Variants in ADPRH observed in about 807,000 individuals in gnomAD.
ADPRH encodes the protein ADP-ribosylarginine hydrolase, also known as ADP-ribose-L-arginine cleaving enzyme.
Under a neutral mutation model 28.8 loss-of-function variants are expected in ADPRH, and 27 were observed. The ratio of observed to expected loss-of-function variants is 0.94; its 90% CI spans 0.69 to 1.29. The LOEUF is 1.29. Among genes scored for constraint, ADPRH ranks in the 50% most tolerant of loss-of-function variants. The probability of loss-of-function intolerance (pLI) is 0.00; values close to 1 mark genes in which losing one functional copy is unlikely to be tolerated. For missense variants in ADPRH, 419 were observed against 444.8 expected (o/e 0.94, Z 0.52); for synonymous variants, 161 against 166.9 (o/e 0.96, Z 0.27).
chr3:119,587,088 G>A (rs1281648601), intron 4 of ADPRH, among the ~76,000 whole-genome samples: 2 of 152,198 alleles, frequency 1.3e-5, no homozygotes, highest in African/African-American at 4.8e-5. Context: ...ACTTCACATT[G>A]TCTTTCTTAG....
At position 119,589,505 on chromosome 3, in the gene ADPRH, T is replaced by C. The variant is rs1451599688; in HGVS notation, c.*1627T>C. On this transcript the variant is annotated 3_prime_UTR_variant, in exon 5 of 5. Coordinates refer to ENST00000357003, the MANE Select transcript of ADPRH (RefSeq NM_001125.4). ...TCCTGCCACCTTCTAGTTCATCCCA[T>C]AGGAATGTTTTTCCAAGTCCTTCCA... 2 of 152,150 alleles carry C rather than the reference T, an allele frequency of 1.3e-5. No individual in the cohort carries two copies. Among genetic ancestry groups the C allele is most frequent in the East Asian group, 3.8e-4 (2 of 5,198 alleles). The allele number at this position is 152,150 out of a possible 1,614,324, so 9.4% of individuals were successfully genotyped here. A position where few individuals can be genotyped will look rare whatever the true frequency, so the allele number is the denominator to read the frequency against.
intron 2 of ADPRH, among the ~76,000 whole-genome samples, chr3:119,581,801 C>T (rs541818441): frequency 1.3e-5 from 2 of 152,264 alleles, no homozygotes; most frequent in East Asian, 3.9e-4. Flanking sequence ...TTACTACTCA[C>T]CAAGAGGCAA....
intron 3 of ADPRH, 147 bp from the exon 4 acceptor site, chr3:119,586,138 G>T: frequency 2.5e-6 from 3 of 1,189,586 alleles, no homozygotes; most frequent in South Asian, 2.8e-5. Flanking sequence ...GTTGGGTGGG[G>T]TTTGGAGTTT....
rs113025063 is a variant in ADPRH, at chr3:119,585,562, T to G, written c.299-723T>G. Among the ~76,000 whole-genome samples the G allele has an allele frequency of 2.8e-3, 423 of 152,348 alleles. 1 individual carries two copies. The highest frequency in any genetic ancestry group is 9.6e-3 in the African/African-American group (400 of 41,580). On this transcript the variant is annotated intron_variant, in intron 3 of 4. Coordinates refer to ENST00000357003, the MANE Select transcript of ADPRH (RefSeq NM_001125.4). ...TTTTGTTTTTTGTTTTTTGGTTTTT[T>G]GTTTTGAGACGGAGTCTCGCTCTGT...
intron 2 of ADPRH, among the ~76,000 whole-genome samples, chr3:119,581,064 C>CTTTT (rs71156755): frequency 1.1e-4 from 13 of 120,238 alleles, no homozygotes; most frequent in African/African-American, 2.9e-4. Context: ...ACTCTAAGAA[C>CTTTT]TTTTTTTTTT....
At chr3:119,583,675 G>A (rs753002131) in intron 3 of ADPRH, among the ~76,000 whole-genome samples, 24 of 152,120 alleles carry the variant, frequency 1.6e-4, no homozygotes, top group Admixed American at 3.9e-4. Context: ...ACTGTGAAAG[G>A]CCAAGGTGAG....
At chr3:119,584,159 A>C (rs1004683487) in intron 3 of ADPRH, among the ~76,000 whole-genome samples, 6 of 152,156 alleles carry the variant, frequency 3.9e-5, no homozygotes, top group African/African-American at 1.4e-4. Context: ...AGATGTTACT[A>C]ATTATATTTG....
Position 119,580,604 on chromosome 3 carries a change from T to A in ADPRH, c.-69T>A, listed in dbSNP as rs951670618. 2 of 152,182 alleles carry A rather than the reference T, an allele frequency of 1.3e-5. No homozygotes were observed. Among genetic ancestry groups the A allele is most frequent in the African/African-American group, 2.4e-5 (1 of 41,436 alleles). The allele number at this position is 152,182 out of a possible 1,614,324, so 9.4% of individuals were successfully genotyped here. A position where few individuals can be genotyped will look rare whatever the true frequency, so the allele number is the denominator to read the frequency against. Reference sequence around the variant, plus strand: ...ACAGCAGTGCAGCTGCAGAAGCACTTCTGGAAGCCTCCTGACTTGAACTAG... The same window carrying A: ...ACAGCAGTGCAGCTGCAGAAGCACTACTGGAAGCCTCCTGACTTGAACTAG... On this transcript the variant is annotated 5_prime_UTR_variant, in exon 2 of 5. Coordinates refer to ENST00000357003, the MANE Select transcript of ADPRH (RefSeq NM_001125.4).
Position 119,588,107 on chromosome 3 carries a change from C to T in ADPRH, c.*229C>T, listed in dbSNP as rs751289304. The T allele has an allele frequency of 5.3e-6, 2 of 379,664 alleles. No homozygotes were observed. Among genetic ancestry groups the T allele is most frequent in the Non-Finnish European group, 4.6e-6 (1 of 217,012 alleles). 23.5% of individuals were successfully genotyped at this position (379,664 alleles called of 1,614,324 possible). On this transcript the variant is annotated 3_prime_UTR_variant, in exon 5 of 5. Transcript: ENST00000357003. ...CCTTTAGCTCAATTGATAGGGTCAG[C>T]GTCTCGCAAGCAAAAAATCTCATGA... is the stretch of plus-strand genomic sequence containing the variant.
Position 119,588,082 on chromosome 3 carries a change from C to T in ADPRH, c.*204C>T. 2.2e-6 allele frequency: 1 copy of T among 454,936 alleles called. No individual in the cohort carries two copies. The highest frequency in any genetic ancestry group is 3.7e-6 in the Non-Finnish European group (1 of 268,014). The allele number at this position is 454,936 out of a possible 1,614,324, so 28.2% of individuals were successfully genotyped here. A position where few individuals can be genotyped will look rare whatever the true frequency, so the allele number is the denominator to read the frequency against. Reference sequence around the variant, plus strand: ...TATCCCTTTTCTTACACTGAAGAGTCCTTTAGCTCAATTGATAGGGTCAGC... The same window carrying T: ...TATCCCTTTTCTTACACTGAAGAGTTCTTTAGCTCAATTGATAGGGTCAGC... On this transcript the variant is annotated 3_prime_UTR_variant, in exon 5 of 5. Transcript: ENST00000357003.
At chr3:119,584,127 A>G (rs1017331244) in intron 3 of ADPRH, among the ~76,000 whole-genome samples, 2 of 152,186 alleles carry the variant, frequency 1.3e-5, no homozygotes, top group East Asian at 1.9e-4. Flanking sequence ...GTGTTGAGAA[A>G]GATCTTGAAG....
intron 2 of ADPRH, 66 bp downstream of exon 2, chr3:119,580,702 T>C (rs2107758134): frequency 6.6e-6 from 1 of 152,312 alleles, no homozygotes; most frequent in Admixed American, 6.5e-5. Flanking sequence ...TGAGCTAGTC[T>C]GCCAGACCCT....
chr3:119,586,937 A>G (rs977467569), intron 4 of ADPRH, among the ~76,000 whole-genome samples: 2 of 152,162 alleles, frequency 1.3e-5, no homozygotes. Context: ...CCTATTTCCT[A>G]CTTTCCTGGA....
chr3:119,587,931 T>C lies in ADPRH; in HGVS notation c.*53T>C. ...TTCTTCTTTTGTGTATTTCCTTTTC[T>C]GCTATTTCTTTTCAGTTTTTCCAAA... On this transcript the variant is annotated 3_prime_UTR_variant, in exon 5 of 5. Coordinates refer to ENST00000357003, the MANE Select transcript of ADPRH (RefSeq NM_001125.4). The C allele has an allele frequency of 6.7e-7, 1 of 1,502,578 alleles. No individual in the cohort carries two copies. Among genetic ancestry groups the C allele is most frequent in the Non-Finnish European group, 8.9e-7 (1 of 1,128,412 alleles). 93.1% of individuals were successfully genotyped at this position (1,502,578 alleles called of 1,614,324 possible).
chr3:119,581,396 C>T (rs1173141189), intron 2 of ADPRH, among the ~76,000 whole-genome samples: 1 of 152,128 alleles, frequency 6.6e-6, no homozygotes, highest in Non-Finnish European at 1.5e-5. Flanking sequence ...TTATTTATTC[C>T]TAACAACAAA....
In ADPRH at chr3:119,582,466, A is replaced by G; in HGVS notation, c.297A>G (p.Pro99=). The G allele has an allele frequency of 1.2e-6, 2 of 1,610,750 alleles. No homozygotes were observed. Among genetic ancestry groups the G allele is most frequent in the Non-Finnish European group, 1.7e-6 (2 of 1,177,330 alleles). Reference sequence around the variant, plus strand: ...TGGAAGACATGGATGGGCGGGCACCAGGTGAGCACAGCCGGTGGGAGGTGC... The same window carrying G: ...TGGAAGACATGGATGGGCGGGCACCGGGTGAGCACAGCCGGTGGGAGGTGC... The part of the protein sequence containing the change: ...DCMEDMDGRA[P]GGASVHNAMQ... The change falls in exon 3 of 5, where the codon CCA becomes CCG. Residue 99 remains proline (P), a splice_region_variant and synonymous_variant. Coordinates refer to ENST00000357003, the MANE Select transcript of ADPRH (RefSeq NM_001125.4).
At chr3:119,583,120 T>C (rs914336585) in intron 3 of ADPRH, among the ~76,000 whole-genome samples, 2 of 152,110 alleles carry the variant, frequency 1.3e-5, no homozygotes, top group African/African-American at 4.8e-5. Flanking sequence ...TCCCAGCTAC[T>C]TGGGGGGCTG....
rs2082475266 is a variant in ADPRH at position 119,587,643 on chromosome 3, A to G, written c.839A>G (p.Asp280Gly). ...CACGATGCCCCCATGATTGCCTACG[A>G]TGCTGTTCTTGCTGCAGGAGACTCC... is the stretch of plus-strand genomic sequence containing the variant. The part of the protein sequence containing the change: ...SGHDAPMIAY[D>G]AVLAAGDSWK... Residue 280 changes from aspartate to glycine, a missense_variant, in exon 5 of 5, where the codon GAT (aspartate) becomes GGT (glycine). Physicochemically the swap from Asp to Gly is moderately conservative, Grantham distance 94 (BLOSUM62 -1). Coordinates refer to ENST00000357003, the MANE Select transcript of ADPRH (RefSeq NM_001125.4). The G allele has an allele frequency of 6.2e-7, 1 of 1,614,206 alleles. No individual in the cohort carries two copies. The highest frequency in any genetic ancestry group is 8.5e-7 in the Non-Finnish European group (1 of 1,180,030).
chr3:119,585,785 G>A (rs988003442), intron 3 of ADPRH, among the ~76,000 whole-genome samples: 1 of 152,192 alleles, frequency 6.6e-6, no homozygotes, highest in Middle Eastern at 3.4e-3. Context: ...TCCTGACCTC[G>A]TGATCTGCCT....
Sources: allele counts gnomAD v4.1 joint callset (sites outside exome capture counted in the v4.1 genomes callset), GRCh38; gene constraint gnomAD v4.1.1; transcripts MANE v1.5; gene names NCBI Gene and HGNC (gene_info 2026-07-23, HGNC 2026-07-21).